BAHCC1: variants seen among roughly 807,000 people sequenced by gnomAD.
BAHCC1 encodes BAH and coiled-coil domain-containing protein 1.
BAHCC1 carries 43 observed loss-of-function variants against 88.2 expected under a neutral mutation model. The ratio of observed to expected loss-of-function variants is 0.49; its 90% confidence interval spans 0.38 to 0.63. The LOEUF (loss-of-function observed/expected upper bound fraction) is 0.63. BAHCC1 is among the 20% of genes least tolerant of loss of function. BAHCC1 has a pLI of 0.00. For missense variants in BAHCC1, 3,023 were observed against 1,654.8 expected, an observed-to-expected ratio of 1.83 and a Z score of -14.34; for synonymous variants, 1,510 against 745.5, an observed-to-expected ratio of 2.03 and a Z score of -16.71.
At chr17:81,423,574 G>A (rs2064140437) in intron 2 of BAHCC1, among the ~76,000 whole-genome samples, 1 of 152,084 alleles carries the variant, frequency 6.6e-6, no homozygotes, top group South Asian at 2.1e-4. Flanking sequence ...CCCGCCCCAG[G>A]TTCCTGGAAT....
At chr17:81,404,838 TTC>T (rs1327101330) in intron 2 of BAHCC1, among the ~76,000 whole-genome samples, 1 of 152,086 alleles carries the variant, frequency 6.6e-6, no homozygotes, top group Admixed American at 6.5e-5. Context: ...TTTGTTCTCC[TTC>T]TCTCTGTGTG....
intron 13 of BAHCC1, 140 bp downstream of exon 13, chr17:81,452,247 C>G (rs2064652905): frequency 2.1e-6 from 1 of 485,448 alleles, no homozygotes; most frequent in Admixed American, 4.0e-5. Context: ...CAGGGTCCAT[C>G]GGGGAGGCCC....
In BAHCC1 at chr17:81,442,431, C is replaced by T. The variant is rs1443067826; in HGVS notation, c.1082C>T (p.Ala361Val). ...AGPPPPLSTA[A>V]GSFPCLQLHG... Reference sequence around the variant, plus strand: ...CCACCCCCGCCCCTCAGCACAGCCGCCGGCTCCTTCCCCTGCCTGCAGCTG... The same window carrying T: ...CCACCCCCGCCCCTCAGCACAGCCGTCGGCTCCTTCCCCTGCCTGCAGCTG... Residue 361 changes from alanine to valine, a missense_variant, in exon 5 of 28, where the codon GCC becomes GTC. Ala to Val is a moderately conservative substitution (Grantham distance 64). Coordinates refer to ENST00000675386, the MANE Select transcript of BAHCC1 (RefSeq NM_001377448.1). 5.7e-6 allele frequency: 4 copies of T among 707,786 alleles called. No individual in the cohort carries two copies. In the South Asian group the frequency reaches 6.0e-5, roughly 11 times the overall value. The allele number at this position is 707,786 out of a possible 1,614,324, so 43.8% of individuals were successfully genotyped here.
chr17:81,399,876 G>A lies in BAHCC1; in HGVS notation c.137G>A (p.Gly46Glu), dbSNP rs1452290676. 7.6e-6 allele frequency: 11 copies of A among 1,451,362 alleles called. No homozygotes were observed. The highest frequency in any genetic ancestry group is 1.0e-5 in the Non-Finnish European group (11 of 1,100,484). 89.9% of individuals were successfully genotyped at this position (1,451,362 alleles called of 1,614,324 possible). Reference protein sequence around the residue: ...AAQPPAHFQPGKYFPSPLPMA... With the variant: ...AAQPPAHFQPEKYFPSPLPMA... The stretch of plus-strand genomic sequence containing the variant: ...CAGCCCCCCGCACACTTCCAGCCGG[G>A]AAAGTACTTCCCGTCGCCGTTGCCC... Residue 46 changes from glycine to glutamate, a missense_variant, in exon 2 of 28, where the codon GGA (glycine) becomes GAA (glutamate). Gly to Glu is a moderately conservative substitution (Grantham distance 98, BLOSUM62 -2). Coordinates refer to ENST00000675386, the MANE Select transcript of BAHCC1 (RefSeq NM_001377448.1). This position sits in a 1 kb window ranked among gnomAD's most constrained non-coding sequence, Gnocchi z 4.5.
chr17:81,404,969 G>C (rs561374259), intron 2 of BAHCC1, among the ~76,000 whole-genome samples: 4 of 152,342 alleles, frequency 2.6e-5, no homozygotes, highest in Admixed American at 1.3e-4. Context: ...ACGAAAATAA[G>C]AGTCCCCAGA....
chr17:81,406,717 G>A (rs1555646965), intron 2 of BAHCC1, among the ~76,000 whole-genome samples: 2 of 152,376 alleles, frequency 1.3e-5, no homozygotes, highest in South Asian at 2.1e-4. Flanking sequence ...AGCTGCCGCG[G>A]GAGAATCCAG....
rs782029590 is a variant in BAHCC1 at position 81,459,142 on chromosome 17, C to T, written c.5694C>T (p.Ser1898=). 1.8e-5 allele frequency: 14 copies of T among 769,918 alleles called. No individual in the cohort carries two copies. Among genetic ancestry groups the T allele is most frequent in the South Asian group, 4.1e-5 (3 of 73,406 alleles). The allele number at this position is 769,918 out of a possible 1,614,324, so 47.7% of individuals were successfully genotyped here. A position where few individuals can be genotyped will look rare whatever the true frequency, so the allele number is the denominator to read the frequency against. The change falls in exon 21 of 28, where the codon AGC becomes AGT. Residue 1898 remains serine, a synonymous_variant. Transcript: ENST00000675386. The part of the protein sequence containing the change: ...PKEDSLLYAG[S]VRTLQPPDIY... Reference sequence around the variant, plus strand: ...AGGATAGCCTGCTGTACGCGGGCAGCGTCAGGACCCTGCAGCCACCCGACA... The same window carrying T: ...AGGATAGCCTGCTGTACGCGGGCAGTGTCAGGACCCTGCAGCCACCCGACA...
rs528814120 is a variant in BAHCC1, at chr17:81,445,550, G to C, written c.3032G>C (p.Arg1011Pro). The change falls in exon 10 of 28, where the codon CGG (arginine) becomes CCG (proline). Residue 1011 changes from arginine to proline, a missense_variant. By Grantham distance (103) the Arg-to-Pro change is moderately radical. Coordinates refer to ENST00000675386, the MANE Select transcript of BAHCC1 (RefSeq NM_001377448.1). ...PPASSPTPPP[R>P]PSAPCTLNVC... The stretch of plus-strand genomic sequence containing the variant: ...GCCAGCTCCCCCACCCCACCACCTC[G>C]GCCCAGCGCCCCGTGCACTTTAAAT... 1 of 722,364 alleles carries C rather than the reference G, an allele frequency of 1.4e-6. No homozygotes were observed. The highest frequency in any genetic ancestry group is 2.0e-5 in the Admixed American group (1 of 51,158). 44.7% of individuals were successfully genotyped at this position (722,364 alleles called of 1,614,324 possible).
chr17:81,399,875 G>T lies in BAHCC1; in HGVS notation c.136G>T (p.Gly46Ter). The T allele has an allele frequency of 6.9e-7, 1 of 1,451,318 alleles. No individual in the cohort carries two copies. The highest frequency in any genetic ancestry group is 1.3e-5 in the South Asian group (1 of 74,466). 89.9% of individuals were successfully genotyped at this position (1,451,318 alleles called of 1,614,324 possible). Residue 46 changes from glycine (G) to a stop codon, truncating the protein, a stop_gained, in exon 2 of 28, where the codon GGA becomes TGA. Coordinates refer to ENST00000675386, the MANE Select transcript of BAHCC1 (RefSeq NM_001377448.1). LOFTEE classifies it high-confidence loss of function. The surrounding 1 kb of genome is among the most constrained non-coding windows in gnomAD (Gnocchi z 4.5). Reference protein sequence around the residue: ...AAQPPAHFQPGKYFPSPLPMA... With the variant: ...AAQPPAHFQP ...GCAGCCCCCCGCACACTTCCAGCCG[G>T]GAAAGTACTTCCCGTCGCCGTTGCC...
chr17:81,426,766 T>A, intron 2 of BAHCC1, 34 bp from the exon 3 acceptor site: 2 of 398,476 alleles, frequency 5.0e-6, no homozygotes, highest in Non-Finnish European at 8.8e-6. Context: ...CCCTGGGAGC[T>A]GCCCCCAGAG....
In BAHCC1 at chr17:81,410,890, C is replaced by A. The variant is rs782450415; in HGVS notation, c.178+10973C>A. Among the ~76,000 whole-genome samples the A allele has an allele frequency of 1.4e-4, 21 of 152,178 alleles. 1 individual carries two copies. The highest frequency in any genetic ancestry group is 2.0e-4 in the Admixed American group (3 of 15,300). ...GGGGACAATGAAGCAGGCTATGCTT[C>A]CCCGGAGTCCAGGGGTGGGGATGGC... On this transcript the variant is annotated intron_variant, in intron 2 of 27. Transcript: ENST00000675386.
At chr17:81,418,641 AT>A in intron 2 of BAHCC1, among the ~76,000 whole-genome samples, 2 of 152,270 alleles carry the variant, frequency 1.3e-5, no homozygotes, top group Middle Eastern at 6.8e-3. Context: ...CAGTAAGTGG[AT>A]AAGTCTGGTG....
At chr17:81,438,624 G>A in intron 4 of BAHCC1, 132 bp downstream of exon 4, 1 of 645,584 alleles carries the variant, frequency 1.5e-6, no homozygotes, top group Non-Finnish European at 2.8e-6. Context: ...AGGCCAGGGT[G>A]GGGGCTAGAG....
Position 81,460,264 on chromosome 17 carries a change from G to A in BAHCC1, c.5906-13G>A, listed in dbSNP as rs782523778. The A allele has an allele frequency of 1.3e-6, 1 of 756,092 alleles. No homozygotes were observed. The allele number at this position is 756,092 out of a possible 1,614,324, so 46.8% of individuals were successfully genotyped here. A position where few individuals can be genotyped will look rare whatever the true frequency, so the allele number is the denominator to read the frequency against. ...GGGGGTTCCAGCTGCAAGCTCAGGT[G>A]TGCCGTCCACAGGGGCCTCCGGTGA... On this transcript the variant is annotated splice_polypyrimidine_tract_variant and intron_variant, in intron 23 of 27. Coordinates refer to ENST00000675386, the MANE Select transcript of BAHCC1 (RefSeq NM_001377448.1).
intron 10 of BAHCC1, among the ~76,000 whole-genome samples, chr17:81,445,970 C>T (rs967563835): frequency 1.2e-4 from 18 of 152,166 alleles, no homozygotes; most frequent in African/African-American, 3.1e-4. Flanking sequence ...GCAATGAAGG[C>T]GGGGCCTGCT....
rs782017056 is a variant in BAHCC1 at position 81,460,564 on chromosome 17, C to T, written c.6060C>T (p.Ser2020=). The change falls in exon 25 of 28, where the codon AGC becomes AGT. Residue 2020 remains serine (S), a synonymous_variant. Transcript: ENST00000675386. Reference sequence around the variant, plus strand: ...CCTCTCCAGCCCTGCTAGTGTCTAGCAGCTGCCGGAGGACCAAGAAGGTAT... The same window carrying T: ...CCTCTCCAGCCCTGCTAGTGTCTAGTAGCTGCCGGAGGACCAAGAAGGTAT... The part of the protein sequence containing the change: ...TEPSPALLVS[S]SCRRTKKVSS... The T allele has an allele frequency of 1.2e-5, 9 of 766,782 alleles. No individual in the cohort carries two copies. In the East Asian group the frequency reaches 2.0e-4, roughly 17 times the overall value. 47.5% of individuals were successfully genotyped at this position (766,782 alleles called of 1,614,324 possible).
intron 1 of BAHCC1, among the ~76,000 whole-genome samples, chr17:81,398,187 G>A (rs894023513): frequency 1.3e-5 from 2 of 152,226 alleles, no homozygotes; most frequent in Non-Finnish European, 2.9e-5. Context: ...GTATTTAGAA[G>A]ATGAGGAGTA....
intron 17 of BAHCC1, 45 bp downstream of exon 17, chr17:81,457,637 G>A: frequency 1.5e-6 from 1 of 660,812 alleles, no homozygotes; most frequent in Non-Finnish European, 2.8e-6. Context: ...CCAGGAGGGA[G>A]GGCAGGGATT....
Position 81,435,399 on chromosome 17 carries a change from G to C in BAHCC1, c.359-2971G>C, listed in dbSNP as rs145803643. On this transcript the variant is annotated intron_variant, in intron 3 of 27. Coordinates refer to ENST00000675386, the MANE Select transcript of BAHCC1 (RefSeq NM_001377448.1). The surrounding 1 kb of genome is among the most constrained non-coding windows in gnomAD (Gnocchi z 4.4). ...GGGCAGGATGTGGGGACCTCGGTGC[G>C]ACCCCCACTGCCCCCAGGGCTCTTC... The C allele has an allele frequency of 4.3e-6, 2 of 466,060 alleles. No individual in the cohort carries two copies. The allele number at this position is 466,060 out of a possible 1,614,324, so 28.9% of individuals were successfully genotyped here. A position where few individuals can be genotyped will look rare whatever the true frequency, so the allele number is the denominator to read the frequency against.
Sources: allele counts gnomAD v4.1 joint callset (sites outside exome capture counted in the v4.1 genomes callset), GRCh38; gene constraint gnomAD v4.1.1; non-coding constraint Gnocchi (gnomAD v3.1); transcripts MANE v1.5; gene names NCBI Gene and HGNC (gene_info 2026-07-23, HGNC 2026-07-21).